The following VWA8 variants were observed in gnomAD, a reference collection of about 807,000 sequenced individuals.
VWA8 encodes the protein von Willebrand factor A domain-containing protein 8.
Under a neutral mutation model 241.5 loss-of-function variants are expected in VWA8, and 221 were observed. The ratio of observed to expected loss-of-function variants is 0.91; its 90% CI spans 0.82 to 1.02. VWA8 has a LOEUF of 1.02. Among genes scored for constraint, VWA8 ranks in the 50% least tolerant of loss-of-function variants. The pLI is 0.00. For missense variants in VWA8, 2,322 were observed against 2,328.7 expected, an observed-to-expected ratio of 1.00 and a Z score of 0.06; for synonymous variants, 852 against 827.1, an observed-to-expected ratio of 1.03 and a Z score of -0.52.
In VWA8 at chr13:41,566,835, T is replaced by C. The variant is rs184385818; in HGVS notation, c.*1362A>G. On this transcript the variant is annotated 3_prime_UTR_variant, in exon 45 of 45. Coordinates refer to ENST00000379310, the MANE Select transcript of VWA8 (RefSeq NM_015058.2). ...TGCAAACTCACCAGGTAGTACCACGTTGGAAATCAGATTGCTTTTATTTAT... is the reference window on the plus strand; with the variant it reads ...TGCAAACTCACCAGGTAGTACCACGCTGGAAATCAGATTGCTTTTATTTAT... The C allele has an allele frequency of 3.9e-5, 6 of 152,348 alleles. No individual in the cohort carries two copies. The East Asian group carries it at 1.2e-3, about 29-fold the overall frequency. 9.4% of individuals were successfully genotyped at this position (152,348 alleles called of 1,614,324 possible).
chr13:41,701,485 C>T lies in VWA8; in HGVS notation c.3271G>A (p.Glu1091Lys). 6.2e-7 allele frequency: 1 copy of T among 1,611,900 alleles called. No homozygotes were observed. The highest frequency in any genetic ancestry group is 8.5e-7 in the Non-Finnish European group (1 of 1,179,056). ...NIQEYPIERHEERSLNFTEEC... is the reference protein window; with the variant it reads ...NIQEYPIERHKERSLNFTEEC... ...TCAGTAAAGTTTAGGGATCTTTCTT[C>T]ATGTCTTTCTATTGGATACTCCTGT... Residue 1091 changes from glutamate to lysine, a missense_variant, in exon 28 of 45, where the codon GAA becomes AAA. Glu to Lys is a moderately conservative substitution (Grantham distance 56). Transcript: ENST00000379310.
At chr13:41,739,857 G>GTTT (rs368778376) in intron 21 of VWA8, among the ~76,000 whole-genome samples, 61 of 64,508 alleles carry the variant, frequency 9.5e-4, no homozygotes, top group African/African-American at 3.2e-3. Context: ...TGTTTTTTTT[G>GTTT]TTTTTTTTTT....
chr13:41,814,686 T>C (rs1870614327), intron 16 of VWA8, among the ~76,000 whole-genome samples: 1 of 152,188 alleles, frequency 6.6e-6, no homozygotes, highest in African/African-American at 2.4e-5. Context: ...AGGGACAATA[T>C]GGAAGATTCA....
intron 9 of VWA8, among the ~76,000 whole-genome samples, chr13:41,880,254 T>C (rs983265695): frequency 3.9e-5 from 6 of 152,214 alleles, no homozygotes; most frequent in Non-Finnish European, 7.3e-5. Context: ...GTTTCCTCAA[T>C]GGTTAACATT....
rs918459682 is a variant in VWA8, at chr13:41,605,715, C to T, written c.4878-439G>A. 2.0e-5 allele frequency among the ~76,000 whole-genome samples: 3 copies of T among 152,120 alleles called. No individual in the cohort carries two copies. In the South Asian group the frequency reaches 6.2e-4, roughly 32 times the overall value. On this transcript the variant is annotated intron_variant, in intron 39 of 44. Coordinates refer to ENST00000379310, the MANE Select transcript of VWA8 (RefSeq NM_015058.2). ...CATGTGGCAGATTCCTAAGAGGGTT[C>T]CCATGGGTTGCTTTTTAAGATCGAG...
At chr13:41,627,450 G>A (rs1249982679) in intron 37 of VWA8, among the ~76,000 whole-genome samples, 1 of 152,162 alleles carries the variant, frequency 6.6e-6, no homozygotes, top group Admixed American at 6.5e-5. Flanking sequence ...GAGTCAAGCA[G>A]GTTCGCTAGG....
chr13:41,731,465 T>A (rs940832817), intron 22 of VWA8, among the ~76,000 whole-genome samples: 1 of 152,128 alleles, frequency 6.6e-6, no homozygotes, highest in African/African-American at 2.4e-5. Flanking sequence ...AAATCTGGAA[T>A]AGAAATCAAT....
intron 37 of VWA8, among the ~76,000 whole-genome samples, chr13:41,647,007 G>C (rs2044836458): frequency 6.6e-6 from 1 of 152,168 alleles, no homozygotes; most frequent in Admixed American, 6.5e-5. Flanking sequence ...CTATCACATA[G>C]GAAGCTACAA....
chr13:41,761,352 T>C lies in VWA8; in HGVS notation c.2350-148A>G, dbSNP rs568774698. 3.6e-4 allele frequency: 241 copies of C among 674,000 alleles called. 1 individual carries two copies. The Middle Eastern group carries it at 7.4e-3, about 21-fold the overall frequency. The allele number at this position is 674,000 out of a possible 1,614,324, so 41.8% of individuals were successfully genotyped here. A position where few individuals can be genotyped will look rare whatever the true frequency, so the allele number is the denominator to read the frequency against. ...TTCATGAAAACCAAACTGGCAAACA[T>C]ATATGGAATATCTCCTATGACATAA... On this transcript the variant is annotated intron_variant, in intron 20 of 44. Coordinates refer to ENST00000379310, the MANE Select transcript of VWA8 (RefSeq NM_015058.2).
intron 10 of VWA8, among the ~76,000 whole-genome samples, chr13:41,867,670 T>A (rs1166971541): frequency 6.6e-6 from 1 of 152,124 alleles, no homozygotes; most frequent in African/African-American, 2.4e-5. Context: ...GTTCAATGAA[T>A]AAGTACAGTA....
intron 42 of VWA8, 79 bp downstream of exon 42, chr13:41,587,433 A>C: frequency 6.4e-7 from 1 of 1,567,468 alleles, no homozygotes; most frequent in Non-Finnish European, 8.7e-7. Context: ...ATTTTCATTC[A>C]CTCTGGATGG....
chr13:41,931,994 C>T (rs1284168906), intron 2 of VWA8, among the ~76,000 whole-genome samples: 1 of 151,810 alleles, frequency 6.6e-6, no homozygotes, highest in Non-Finnish European at 1.5e-5. Flanking sequence ...AACAAAAACA[C>T]AAAGAAAAAT....
chr13:41,721,278 A>T, intron 25 of VWA8, 92 bp downstream of exon 25: 1 of 1,272,192 alleles, frequency 7.9e-7, no homozygotes, highest in East Asian at 2.3e-5. Flanking sequence ...TATTGTATTT[A>T]TGGAAATTAA....
At chr13:41,657,599 C>G (rs1200426397) in intron 37 of VWA8, among the ~76,000 whole-genome samples, 1 of 151,800 alleles carries the variant, frequency 6.6e-6, no homozygotes, top group Admixed American at 6.6e-5. Flanking sequence ...ACGCCATTCT[C>G]CCGCCTCAGC....
intron 42 of VWA8, among the ~76,000 whole-genome samples, chr13:41,580,830 G>A (rs1291684972): frequency 6.6e-6 from 1 of 152,106 alleles, no homozygotes; most frequent in Non-Finnish European, 1.5e-5. Flanking sequence ...AAAAAGGTTG[G>A]TGAAAATAAT....
intron 17 of VWA8, 111 bp from the exon 18 acceptor site, chr13:41,787,654 CTAAT>C (rs1379210330): frequency 4.4e-6 from 3 of 687,858 alleles, no homozygotes; most frequent in Admixed American, 2.7e-5. Context: ...CTAATTACAA[CTAAT>C]TAAGGAAGAT....
At chr13:41,921,685 T>C (rs1172226630) in intron 2 of VWA8, among the ~76,000 whole-genome samples, 1 of 152,162 alleles carries the variant, frequency 6.6e-6, no homozygotes, top group Non-Finnish European at 1.5e-5. Flanking sequence ...CCATTCACAA[T>C]TGCTTCAAAG....
At chr13:41,949,834 T>A in intron 2 of VWA8, 102 bp downstream of exon 2, 1 of 576,756 alleles carries the variant, frequency 1.7e-6, no homozygotes, top group Non-Finnish European at 2.8e-6. Context: ...GATGATAAAA[T>A]CATTAGGTTT....
At chr13:41,848,283 G>A (rs893111847) in intron 12 of VWA8, among the ~76,000 whole-genome samples, 6 of 152,120 alleles carry the variant, frequency 3.9e-5, no homozygotes, top group African/African-American at 1.4e-4. Flanking sequence ...AGAATCCAAT[G>A]GATTCAGGGA....
Sources: allele counts gnomAD v4.1 joint callset (sites outside exome capture counted in the v4.1 genomes callset), GRCh38; gene constraint gnomAD v4.1.1; transcripts MANE v1.5; gene names NCBI Gene and HGNC (gene_info 2026-07-23, HGNC 2026-07-21).